CSMD1: variants seen among roughly 807,000 people sequenced by gnomAD.
CSMD1 encodes the protein CUB and Sushi multiple domains 1, also known as CUB and sushi domain-containing protein 1.
CSMD1 carries 213 observed loss-of-function variants against 417.5 expected under a neutral mutation model. That is an observed-to-expected ratio of 0.51 (90% CI 0.46 to 0.57). The LOEUF (loss-of-function observed/expected upper bound fraction) is 0.57, where lower values mean the gene tolerates loss of function less well. Ranked by LOEUF, CSMD1 falls within the 20% of genes least tolerant of loss-of-function variation. The pLI, the probability that CSMD1 is intolerant of heterozygous loss-of-function variation, is 0.00. For synonymous variants in CSMD1, 2,862 were observed against 1,736.8 expected (o/e 1.65, Z -16.11); for missense variants, 6,923 against 4,529.7 (o/e 1.53, Z -15.17).
chr8:4,825,520 G>A (rs1463631061), intron 1 of CSMD1, among the ~76,000 whole-genome samples: 1 of 151,836 alleles, frequency 6.6e-6, no homozygotes, highest in Non-Finnish European at 1.5e-5. Flanking sequence ...CCTGGCCCCT[G>A]GTAAACACAA....
At chr8:4,473,952 G>A (rs867932180) in intron 2 of CSMD1, among the ~76,000 whole-genome samples, 1 of 152,088 alleles carries the variant, frequency 6.6e-6, no homozygotes, top group African/African-American at 2.4e-5. Flanking sequence ...GTTTTCTACT[G>A]GGGGGAGGAT....
intron 6 of CSMD1, 97 bp downstream of exon 6, chr8:3,753,833 A>C (rs1351096481): frequency 3.6e-5 from 27 of 744,778 alleles, no homozygotes; most frequent in Non-Finnish European, 5.4e-5. Context: ...AACCATTTTC[A>C]AGCTATTTAT....
At chr8:3,315,403 CTCTT>C (rs1805674475) in intron 23 of CSMD1, among the ~76,000 whole-genome samples, 1 of 151,020 alleles carries the variant, frequency 6.6e-6, no homozygotes, top group Non-Finnish European at 1.5e-5. Flanking sequence ...CAATACATCT[CTCTT>C]TATTCAAGAA....
chr8:4,343,015 T>C (rs1056831771), intron 3 of CSMD1, among the ~76,000 whole-genome samples: 1 of 152,120 alleles, frequency 6.6e-6, no homozygotes, highest in African/African-American at 2.4e-5. Flanking sequence ...TGCACCTGAC[T>C]TGTGCCTCCT....
intron 23 of CSMD1, among the ~76,000 whole-genome samples, chr8:3,312,683 T>C (rs1805441280): frequency 1.3e-5 from 2 of 152,202 alleles, no homozygotes; most frequent in Admixed American, 6.5e-5. Flanking sequence ...CTGAAGCTTC[T>C]ACTTCGTGTC....
chr8:3,786,017 G>A (rs550096875), intron 5 of CSMD1, among the ~76,000 whole-genome samples: 1 of 152,132 alleles, frequency 6.6e-6, no homozygotes, highest in Non-Finnish European at 1.5e-5. Context: ...TGGGCATTGG[G>A]GTGAAGAAAA....
chr8:3,269,900 C>G (rs1229490841), intron 26 of CSMD1, among the ~76,000 whole-genome samples: 1 of 152,062 alleles, frequency 6.6e-6, no homozygotes, highest in East Asian at 1.9e-4. Context: ...GCTCCTTTTT[C>G]TAGTGGAGAA....
chr8:3,274,780 G>A (rs1585887551), intron 26 of CSMD1, among the ~76,000 whole-genome samples: 1 of 151,984 alleles, frequency 6.6e-6, no homozygotes, highest in African/African-American at 2.4e-5. Context: ...CCATTTGCTT[G>A]GTAGATCTTC....
chr8:3,488,923 T>C (rs1818213491), intron 11 of CSMD1, among the ~76,000 whole-genome samples: 1 of 146,792 alleles, frequency 6.8e-6, no homozygotes, highest in Non-Finnish European at 1.5e-5. Flanking sequence ...GTTTTCTGAT[T>C]TTTTTAAAAC....
intron 1 of CSMD1, among the ~76,000 whole-genome samples, chr8:4,638,719 T>G (rs1176342173): frequency 6.6e-6 from 1 of 152,148 alleles, no homozygotes; most frequent in Non-Finnish European, 1.5e-5. Flanking sequence ...CCTTAAGAAC[T>G]TCCCTTTGGC....
chr8:4,117,829 T>A (rs762390070), intron 3 of CSMD1, among the ~76,000 whole-genome samples: 1 of 151,512 alleles, frequency 6.6e-6, no homozygotes, highest in African/African-American at 2.4e-5. Flanking sequence ...AGTTAGAACA[T>A]CTCACTTTCC....
chr8:3,229,965 C>T, intron 27 of CSMD1, 75 bp downstream of exon 27: 1 of 1,021,394 alleles, frequency 9.8e-7, no homozygotes. Context: ...AGAAATAATA[C>T]ATTTACGGAG....
intron 5 of CSMD1, among the ~76,000 whole-genome samples, chr8:3,956,535 A>G (rs926672985): frequency 2.6e-5 from 4 of 152,240 alleles, no homozygotes; most frequent in African/African-American, 9.6e-5. Flanking sequence ...CAGTAAAAAT[A>G]ATGGCTACTT....
rs117989952 is a variant in CSMD1 at position 4,163,046 on chromosome 8, A to G, written c.416-130947T>C. On this transcript the variant is annotated intron_variant, in intron 3 of 69. Coordinates refer to ENST00000635120, the MANE Select transcript of CSMD1 (RefSeq NM_033225.6). Reference sequence around the variant, plus strand: ...AGTAACGTGCACTTCAGTTCACTCTATGTCTTTGCATGGCTTTCGGTTAAT... The same window carrying G: ...AGTAACGTGCACTTCAGTTCACTCTGTGTCTTTGCATGGCTTTCGGTTAAT... Among the ~76,000 whole-genome samples, 589 of 152,266 alleles carry G rather than the reference A, an allele frequency of 3.9e-3. 1 individual carries two copies. Among genetic ancestry groups the G allele is most frequent in the South Asian group, 0.03 (144 of 4,830 alleles).
At chr8:4,520,789 A>T (rs1191165280) in intron 2 of CSMD1, among the ~76,000 whole-genome samples, 1 of 152,224 alleles carries the variant, frequency 6.6e-6, no homozygotes, top group Non-Finnish European at 1.5e-5. Flanking sequence ...TATTGCAATG[A>T]AAATTTGAAA....
intron 1 of CSMD1, among the ~76,000 whole-genome samples, chr8:4,754,817 C>G (rs1183236597): frequency 6.6e-6 from 1 of 151,996 alleles, no homozygotes; most frequent in African/African-American, 2.4e-5. Context: ...CCACTGCACT[C>G]CAGCCTGGGT....
chr8:4,932,258 TA>T (rs5889073), intron 1 of CSMD1, among the ~76,000 whole-genome samples: 81,945 of 143,948 alleles, frequency 0.57, 23,458 homozygotes, highest in African/African-American at 0.73. Context: ...TCTCTGGTTT[TA>T]AAAAAAAGTG....
intron 1 of CSMD1, among the ~76,000 whole-genome samples, chr8:4,839,560 T>C (rs945211224): frequency 6.6e-6 from 1 of 152,154 alleles, no homozygotes; most frequent in Non-Finnish European, 1.5e-5. Flanking sequence ...ACCACTAAAA[T>C]GAACAACGAT....
intron 3 of CSMD1, among the ~76,000 whole-genome samples, chr8:4,092,589 T>C (rs1283206233): frequency 6.6e-6 from 1 of 152,176 alleles, no homozygotes; most frequent in East Asian, 1.9e-4. Flanking sequence ...CTACCAATAA[T>C]TAGCATATCA....
Sources: gnomAD v4.1 joint callset for allele counts (sites outside exome capture counted in the v4.1 genomes callset) on GRCh38, gnomAD v4.1.1 for gene constraint, MANE v1.5 for transcripts, NCBI Gene and HGNC (gene_info 2026-07-23, HGNC 2026-07-21) for gene names.